The following COX5A variants were observed in gnomAD, a reference collection of about 807,000 sequenced individuals.
COX5A encodes cytochrome c oxidase subunit 5A, mitochondrial.
COX5A carries 6 observed loss-of-function variants against 16.1 expected under a neutral mutation model. The ratio of observed to expected loss-of-function variants is 0.37; its 90% CI spans 0.20 to 0.73. COX5A has a LOEUF of 0.73. Ranked by LOEUF, COX5A falls within the 30% of genes least tolerant of loss-of-function variation. The pLI is 0.50. For missense variants in COX5A, 159 were observed against 194.9 expected (o/e 0.82, Z 1.10); for synonymous variants, 73 against 73.8 (o/e 0.99, Z 0.06).
chr15:74,936,982 T>C (rs2065393778), intron 1 of COX5A, among the ~76,000 whole-genome samples: 4 of 152,118 alleles, frequency 2.6e-5, no homozygotes, highest in Admixed American at 2.6e-4. Context: ...GTTTCTGAGT[T>C]CTTATGTTTA....
chr15:74,924,087 G>A (rs2065333108), intron 3 of COX5A, among the ~76,000 whole-genome samples: 1 of 151,984 alleles, frequency 6.6e-6, no homozygotes, highest in Non-Finnish European at 1.5e-5. Context: ...GGCTGAGGCA[G>A]GAGAATCGGC....
At chr15:74,922,831 A>G (rs943627074) in intron 4 of COX5A, among the ~76,000 whole-genome samples, 1 of 151,850 alleles carries the variant, frequency 6.6e-6, no homozygotes, top group Non-Finnish European at 1.5e-5. Flanking sequence ...ACACCCAGCT[A>G]ATTTTTGTAT....
At chr15:74,924,855 C>T (rs538485810) in intron 3 of COX5A, among the ~76,000 whole-genome samples, 1 of 152,314 alleles carries the variant, frequency 6.6e-6, no homozygotes, top group African/African-American at 2.4e-5. Flanking sequence ...AGTAATGTCA[C>T]ACTTTTGCTG....
intron 2 of COX5A, among the ~76,000 whole-genome samples, chr15:74,927,739 TC>T (rs1392631952): frequency 6.6e-6 from 1 of 152,020 alleles, no homozygotes; most frequent in Non-Finnish European, 1.5e-5. Flanking sequence ...GCCATTGCAC[TC>T]TAGCCTGGGC....
At chr15:74,937,244 AC>A (rs1316285099) in intron 1 of COX5A, among the ~76,000 whole-genome samples, 1 of 151,988 alleles carries the variant, frequency 6.6e-6, no homozygotes, top group Non-Finnish European at 1.5e-5. Flanking sequence ...TGCTTGTAAA[AC>A]CCAGTATTCC....
rs762374476 is a variant in COX5A at position 74,938,055 on chromosome 15, C to G, written c.-41G>C. 4 of 1,195,618 alleles carry G rather than the reference C, an allele frequency of 3.3e-6. No homozygotes were observed. The African/African-American group carries it at 4.7e-5, about 14-fold the overall frequency. 74.1% of individuals were successfully genotyped at this position (1,195,618 alleles called of 1,614,324 possible). A position where few individuals can be genotyped will look rare whatever the true frequency, so the allele number is the denominator to read the frequency against. ...GCGCGGGCTGAGGACAGAGAGAAGC[C>G]GGTGTAAGCTCGCGGGTTGCTCCGG... On this transcript the variant is annotated 5_prime_UTR_variant, in exon 1 of 5. Transcript: ENST00000322347.
Position 74,923,109 on chromosome 15 carries a change from TTTTA to T in COX5A, c.*9+535_*9+538del, listed in dbSNP as rs893179964. On this transcript the variant is annotated intron_variant, in intron 4 of 4. Coordinates refer to ENST00000322347, the MANE Select transcript of COX5A (RefSeq NM_004255.4). ...AAGATTTTTCTTTAATTAAGGTGGC[TTTTA>T]TTTGTCTTTCTACCAGTAAGAAAAT... Among the ~76,000 whole-genome samples the T allele has an allele frequency of 5.3e-5, 8 of 152,298 alleles. 1 individual carries two copies. The highest frequency in any genetic ancestry group is 1.7e-4 in the African/African-American group (7 of 41,562).
At chr15:74,935,126 G>T (rs539524059) in intron 1 of COX5A, among the ~76,000 whole-genome samples, 1 of 152,218 alleles carries the variant, frequency 6.6e-6, no homozygotes, top group South Asian at 2.1e-4. Flanking sequence ...GTAGGAATGA[G>T]GGCACATTAA....
rs1595864441 is a variant in COX5A, at chr15:74,937,928, G to A, written c.87C>T (p.Pro29=). ...CAGGGGCCTTACCCACGGCGGGGCC[G>A]GGGGTCCGGGCGGAGTGCAGGAGGC... ...PRGLLHSART[P]GPAVAIQSVR... The change falls in exon 1 of 5, where the codon CCC becomes CCT. Residue 29 remains proline, a synonymous_variant. Transcript: ENST00000322347. The A allele has an allele frequency of 1.6e-6, 2 of 1,231,302 alleles. No individual in the cohort carries two copies. The highest frequency in any genetic ancestry group is 1.0e-6 in the Non-Finnish European group (1 of 986,318). The allele number at this position is 1,231,302 out of a possible 1,614,324, so 76.3% of individuals were successfully genotyped here.
At chr15:74,923,867 A>G (rs886681402) in intron 3 of COX5A, 97 bp from the exon 4 acceptor site, 2 of 756,700 alleles carry the variant, frequency 2.6e-6, no homozygotes, top group Non-Finnish European at 4.6e-6. Context: ...ACTTATGCAG[A>G]GGCAGGTAGG....
At chr15:74,925,658 G>A (rs1485805211) in intron 3 of COX5A, among the ~76,000 whole-genome samples, 1 of 152,132 alleles carries the variant, frequency 6.6e-6, no homozygotes, top group Admixed American at 6.6e-5. Flanking sequence ...AAAGTGCTGG[G>A]ATTACAGGCG....
chr15:74,920,169 G>T lies in COX5A; in HGVS notation c.*283C>A. On this transcript the variant is annotated 3_prime_UTR_variant, in exon 5 of 5. Transcript: ENST00000322347. ...ATTTTCATGTCAGATGGTTTCCAGA[G>T]AATTAACACAGTTCTCTCAGCATGT... The T allele has an allele frequency of 1.9e-6, 1 of 522,574 alleles. No individual in the cohort carries two copies. Among genetic ancestry groups the T allele is most frequent in the Non-Finnish European group, 3.3e-6 (1 of 303,652 alleles). The allele number at this position is 522,574 out of a possible 1,614,324, so 32.4% of individuals were successfully genotyped here.
At chr15:74,922,694 C>T (rs1337137291) in intron 4 of COX5A, among the ~76,000 whole-genome samples, 6 of 139,250 alleles carry the variant, frequency 4.3e-5, no homozygotes, top group Non-Finnish European at 9.1e-5. Flanking sequence ...GAGACAGAGT[C>T]TCACTCTGTC....
chr15:74,920,753 G>A (rs2065316095), intron 4 of COX5A, among the ~76,000 whole-genome samples: 1 of 152,180 alleles, frequency 6.6e-6, no homozygotes, highest in Non-Finnish European at 1.5e-5. Context: ...CGAGGCGAAT[G>A]GATTGCCTGA....
chr15:74,923,579 C>T, intron 4 of COX5A, 69 bp downstream of exon 4: 1 of 873,860 alleles, frequency 1.1e-6, no homozygotes, highest in Non-Finnish European at 1.9e-6. Flanking sequence ...TACTATAGCA[C>T]ACTGAAATGT....
Position 74,929,114 on chromosome 15 carries a change from A to G in COX5A, c.217+2T>C. The G allele has an allele frequency of 6.3e-7, 1 of 1,588,722 alleles. No homozygotes were observed. The highest frequency in any genetic ancestry group is 8.6e-7 in the Non-Finnish European group (1 of 1,157,048). On this transcript the variant is annotated splice_donor_variant, in intron 2 of 4. Transcript: ENST00000322347. LOFTEE classifies it high-confidence loss of function. ...AGACAAATATGTTTATGTTCCAATT[A>G]CCTTTACGCAATTCCCAGGCATCTA...
chr15:74,921,421 A>G (rs1230823955), intron 4 of COX5A, among the ~76,000 whole-genome samples: 3 of 147,912 alleles, frequency 2.0e-5, no homozygotes, highest in African/African-American at 7.5e-5. Flanking sequence ...AAAAAAAAAA[A>G]AAAAAGAAAA....
In COX5A at chr15:74,935,611, AT is replaced by A. The variant is rs142177974; in HGVS notation, c.100+2303del. Among the ~76,000 whole-genome samples, 150 of 117,170 alleles carry A rather than the reference AT, an allele frequency of 1.3e-3. 3 individuals carry two copies. Among genetic ancestry groups the A allele is most frequent in the South Asian group, 7.3e-3 (30 of 4,124 alleles). 76.9% of individuals were successfully genotyped at this position (117,170 alleles called of 152,430 possible). ...GTGAGACTATCACCAAAAAAAAAAA[AT>A]AAATAAATAAATAAATAAAAAATTT... On this transcript the variant is annotated intron_variant, in intron 1 of 4. Transcript: ENST00000322347.
intron 1 of COX5A, among the ~76,000 whole-genome samples, chr15:74,932,169 G>T (rs1379269781): frequency 6.6e-6 from 1 of 152,144 alleles, no homozygotes; most frequent in Admixed American, 6.6e-5. Context: ...ACAAATGGTA[G>T]CTATAAACTA....
Sources: gnomAD v4.1 joint callset for allele counts (sites outside exome capture counted in the v4.1 genomes callset) on GRCh38, gnomAD v4.1.1 for gene constraint, MANE v1.5 for transcripts, NCBI Gene and HGNC (gene_info 2026-07-23, HGNC 2026-07-21) for gene names.